RPS9: variants seen among roughly 807,000 people sequenced by gnomAD.
RPS9 encodes the protein ribosomal protein S9.
In RPS9, 1 loss-of-function variant was observed where a neutral mutation model predicts 16.9. The observed-to-expected ratio is 0.06, with a 90% CI of 0.02 to 0.28. The LOEUF (loss-of-function observed/expected upper bound fraction) is 0.28, where lower values mean the gene tolerates loss of function less well. Among genes scored for constraint, RPS9 ranks in the 10% least tolerant of loss-of-function variants. The probability of loss-of-function intolerance (pLI) is 1.00; values close to 1 mark genes in which losing one functional copy is unlikely to be tolerated. For synonymous variants in RPS9, 106 were observed against 110.9 expected, an observed-to-expected ratio of 0.96 and a Z score of 0.28; for missense variants, 137 against 273.2, an observed-to-expected ratio of 0.50 and a Z score of 3.51.
chr19:54,202,245 T>G (rs1409518490), intron 3 of RPS9: 2 of 173,382 alleles, frequency 1.2e-5, no homozygotes, highest in South Asian at 2.0e-4. Context: ...AGTGTAGTTG[T>G]CGCAATCTTG....
chr19:54,206,654 C>A, intron 4 of RPS9, 192 bp downstream of exon 4: 1 of 1,549,178 alleles, frequency 6.5e-7, no homozygotes, highest in South Asian at 1.2e-5. Flanking sequence ...AATAGCCCAG[C>A]GCAAGGGTCA....
intron 3 of RPS9, among the ~76,000 whole-genome samples, chr19:54,203,959 C>T (rs896234798): frequency 1.3e-5 from 2 of 152,296 alleles, no homozygotes; most frequent in Middle Eastern, 6.8e-3. Flanking sequence ...CCCAGTGGAG[C>T]CTCAGCAGTA....
At chr19:54,203,415 C>G (rs779490596) in intron 3 of RPS9, 4 of 608,728 alleles carry the variant, frequency 6.6e-6, no homozygotes, top group African/African-American at 4.0e-5. Flanking sequence ...TAGCGAGATT[C>G]TGAGTCTCGT....
At chr19:54,206,528 C>T (rs1434741775) in intron 4 of RPS9, 66 bp downstream of exon 4, 31 of 1,596,562 alleles carry the variant, frequency 1.9e-5, no homozygotes, top group Non-Finnish European at 2.5e-5. Flanking sequence ...CCTCACTAAG[C>T]CTGCTGTCCC....
chr19:54,203,373 C>T, intron 3 of RPS9: 5 of 916,694 alleles, frequency 5.5e-6, no homozygotes, highest in Non-Finnish European at 6.5e-6. Flanking sequence ...TGCCTTGATT[C>T]AGATCCTGCC....
rs755261050 is a variant in RPS9 at position 54,206,442 on chromosome 19, G to C, written c.387G>C (p.Leu129=). The change falls in exon 4 of 5, where the codon CTG becomes CTC. Residue 129 remains leucine, a synonymous_variant. Transcript: ENST00000302907. ...AGTCCATCCACCACGCTCGCGTGCT[G>C]ATCCGCCAGCGCCATATCAGGTACC... ...LAKSIHHARV[L]IRQRHIRVRK... 4.3e-6 allele frequency: 7 copies of C among 1,614,270 alleles called. No homozygotes were observed. The highest frequency in any genetic ancestry group is 5.9e-6 in the Non-Finnish European group (7 of 1,180,046).
rs186092941 is a variant in RPS9, at chr19:54,207,629, C to T, written c.*54C>T. On this transcript the variant is annotated 3_prime_UTR_variant, in exon 5 of 5. Transcript: ENST00000302907. ...TTGTCTCGTTTTCCTGCCAAATAAA[C>T]AGGATCAGCGCTTTACAATTGGTGT... is the stretch of plus-strand genomic sequence containing the variant. 5.9e-4 allele frequency: 872 copies of T among 1,478,086 alleles called. 1 individual carries two copies. The highest frequency in any genetic ancestry group is 1.6e-3 in the South Asian group (128 of 77,594). 91.6% of individuals were successfully genotyped at this position (1,478,086 alleles called of 1,614,324 possible). A position where few individuals can be genotyped will look rare whatever the true frequency, so the allele number is the denominator to read the frequency against.
chr19:54,205,713 C>G, intron 3 of RPS9, among the ~76,000 whole-genome samples: 1 of 152,034 alleles, frequency 6.6e-6, no homozygotes, highest in East Asian at 1.9e-4. Context: ...GAATGTGGAG[C>G]GAGGGATGTA....
At chr19:54,206,798 T>A (rs1473880986) in intron 4 of RPS9, 2 of 1,336,362 alleles carry the variant, frequency 1.5e-6, no homozygotes, top group African/African-American at 2.9e-5. Context: ...TTCAGCTGTC[T>A]CCTGGCCCGC....
At chr19:54,201,356 A>C in intron 2 of RPS9, 75 bp downstream of exon 2, 1 of 1,610,102 alleles carries the variant, frequency 6.2e-7, no homozygotes, top group Non-Finnish European at 8.5e-7. Context: ...GTGCCCATGT[A>C]CTCTATCTAG....
chr19:54,204,497 G>A (rs1310307076), intron 3 of RPS9, among the ~76,000 whole-genome samples: 5 of 152,178 alleles, frequency 3.3e-5, no homozygotes, highest in African/African-American at 1.2e-4. Context: ...TGGACCTCCT[G>A]TGCTTAAGTG....
intron 1 of RPS9, 42 bp from the exon 2 acceptor site, chr19:54,201,118 C>A (rs2077029438): frequency 1.2e-6 from 2 of 1,609,694 alleles, no homozygotes; most frequent in Middle Eastern, 2.2e-4. Context: ...ACTGCGCAGG[C>A]GCCGTTTGGA....
At chr19:54,203,412 A>C in intron 3 of RPS9, 1 of 622,336 alleles carries the variant, frequency 1.6e-6, no homozygotes, top group Non-Finnish European at 2.0e-6. Flanking sequence ...GACTAGCGAG[A>C]TTCTGAGTCT....
In RPS9 at chr19:54,207,644, A is replaced by G; in HGVS notation, c.*69A>G. ...GCCAAATAAACAGGATCAGCGCTTT[A>G]CAATTGGTGTGTGGGGGTCTCTCAT... is the stretch of plus-strand genomic sequence containing the variant. On this transcript the variant is annotated 3_prime_UTR_variant, in exon 5 of 5. Coordinates refer to ENST00000302907, the MANE Select transcript of RPS9 (RefSeq NM_001013.4). 1 of 1,396,246 alleles carries G rather than the reference A, an allele frequency of 7.2e-7. No individual in the cohort carries two copies. Among genetic ancestry groups the G allele is most frequent in the Non-Finnish European group, 9.6e-7 (1 of 1,037,884 alleles). The allele number at this position is 1,396,246 out of a possible 1,614,324, so 86.5% of individuals were successfully genotyped here. A position where few individuals can be genotyped will look rare whatever the true frequency, so the allele number is the denominator to read the frequency against.
Position 54,200,885 on chromosome 19 carries a change from T to A in RPS9, c.-29T>A, listed in dbSNP as rs111381067. 3.6e-5 allele frequency: 42 copies of A among 1,152,170 alleles called. No individual in the cohort carries two copies. The African/African-American group carries it at 6.7e-4, about 18-fold the overall frequency. The allele number at this position is 1,152,170 out of a possible 1,614,324, so 71.4% of individuals were successfully genotyped here. A position where few individuals can be genotyped will look rare whatever the true frequency, so the allele number is the denominator to read the frequency against. On this transcript the variant is annotated 5_prime_UTR_variant, in exon 1 of 5. Transcript: ENST00000302907. ...CTTTCTCAGTGACCGGGTGGTTTGC[T>A]TAGGTGAGGTGCGGTGGTGTGCTTT...
chr19:54,201,125 T>G, intron 1 of RPS9, 35 bp from the exon 2 acceptor site: 1 of 1,611,144 alleles, frequency 6.2e-7, no homozygotes, highest in African/African-American at 1.3e-5. Context: ...AGGCGCCGTT[T>G]GGATCCCTTA....
rs780141839 is a variant in RPS9 at position 54,207,611 on chromosome 19, G to C, written c.*36G>C. On this transcript the variant is annotated 3_prime_UTR_variant, in exon 5 of 5. Coordinates refer to ENST00000302907, the MANE Select transcript of RPS9 (RefSeq NM_001013.4). The stretch of plus-strand genomic sequence containing the variant: ...CCCTCCTGGGCTGCTGGATTGTCTC[G>C]TTTTCCTGCCAAATAAACAGGATCA... 28 of 1,531,586 alleles carry C rather than the reference G, an allele frequency of 1.8e-5. No homozygotes were observed. In the Admixed American group the frequency reaches 2.2e-4, roughly 12 times the overall value. The allele number at this position is 1,531,586 out of a possible 1,614,324, so 94.9% of individuals were successfully genotyped here.
intron 3 of RPS9, chr19:54,202,613 C>T: frequency 1.0e-6 from 1 of 985,378 alleles, no homozygotes; most frequent in Non-Finnish European, 1.2e-6. Context: ...GTTTTAAAAT[C>T]TACTCTGAGA....
intron 3 of RPS9, among the ~76,000 whole-genome samples, chr19:54,203,793 A>G (rs528085157): frequency 8.3e-5 from 9 of 108,866 alleles, no homozygotes; most frequent in Non-Finnish European, 1.9e-5. Context: ...CCCCAGCACA[A>G]CTGTGAAGAA....
Sources: allele counts gnomAD v4.1 joint callset (sites outside exome capture counted in the v4.1 genomes callset), GRCh38; gene constraint gnomAD v4.1.1; transcripts MANE v1.5; gene names NCBI Gene and HGNC (gene_info 2026-07-23, HGNC 2026-07-21).